SLC67A2: variants seen among roughly 807,000 people sequenced by gnomAD.
SLC67A2 encodes solute carrier family 67 member 2.
At chr2:102,722,605 CA>C in the SLC67A2 span, among the ~76,000 whole-genome samples, 31 of 151,988 alleles carry the variant, frequency 2.0e-4, no homozygotes, top group Admixed American at 2.0e-3. Flanking sequence ...CATCACATTA[CA>C]AAAATCAACT....
chr2:102,731,154 C>A, the SLC67A2 span: 26 of 1,131,840 alleles, frequency 2.3e-5, no homozygotes, highest in African/African-American at 3.8e-4. Flanking sequence ...CAGAAACCAA[C>A]AGAAAAACAT....
the SLC67A2 span, among the ~76,000 whole-genome samples, chr2:102,732,613 T>C: frequency 6.6e-6 from 1 of 152,158 alleles, no homozygotes; most frequent in Non-Finnish European, 1.5e-5. Flanking sequence ...CGTTTTAACT[T>C]TACACTCAAG....
the SLC67A2 span, chr2:102,718,863 T>C: frequency 6.2e-7 from 1 of 1,614,066 alleles, no homozygotes. Flanking sequence ...AGCATGCTGC[T>C]GTAACTGATG....
the SLC67A2 span, chr2:102,736,629 C>G: frequency 5.0e-6 from 8 of 1,613,770 alleles, no homozygotes; most frequent in African/African-American, 1.1e-4. Flanking sequence ...GCTCCCAGCC[C>G]CCACGCTCGC....
chr2:102,721,695 C>CTGTG, the SLC67A2 span, among the ~76,000 whole-genome samples: 2,283 of 150,868 alleles, frequency 0.015, 61 homozygotes, highest in African/African-American at 0.053. Flanking sequence ...GTGTGTGTGT[C>CTGTG]TGTATGTATA....
At chr2:102,718,631 G>A in the SLC67A2 span, 1 of 1,613,810 alleles carries the variant, frequency 6.2e-7, no homozygotes, top group Non-Finnish European at 8.5e-7. Flanking sequence ...GCTGGCCTGG[G>A]CCCCGCCCAC....
chr2:102,728,550 A>T, the SLC67A2 span, among the ~76,000 whole-genome samples: 1 of 152,106 alleles, frequency 6.6e-6, no homozygotes, highest in Non-Finnish European at 1.5e-5. Context: ...AAATACTGTC[A>T]TCCTTCTATA....
chr2:102,724,036 C>A, the SLC67A2 span: 7 of 769,280 alleles, frequency 9.1e-6, no homozygotes, highest in Admixed American at 1.3e-4. Flanking sequence ...GGCAGCTATG[C>A]TCACCACTAT....
the SLC67A2 span, among the ~76,000 whole-genome samples, chr2:102,734,779 G>C: frequency 6.6e-6 from 1 of 152,084 alleles, no homozygotes; most frequent in Non-Finnish European, 1.5e-5. Context: ...TCTGTATCAG[G>C]CTTGCTAGAT....
the SLC67A2 span, chr2:102,723,950 A>G: frequency 3.3e-6 from 5 of 1,512,602 alleles, no homozygotes; most frequent in African/African-American, 5.5e-5. Context: ...CTTTTTCCAG[A>G]CCATAAGTAT....
At chr2:102,728,386 C>T in the SLC67A2 span, among the ~76,000 whole-genome samples, 3 of 152,198 alleles carry the variant, frequency 2.0e-5, no homozygotes, top group Admixed American at 6.5e-5. Context: ...AGGAATCTCA[C>T]AGGCCACTAC....
the SLC67A2 span, among the ~76,000 whole-genome samples, chr2:102,732,919 TG>T: frequency 1.3e-5 from 2 of 152,188 alleles, no homozygotes; most frequent in Non-Finnish European, 2.9e-5. Context: ...GAATGGGCTT[TG>T]GGGTCAGGCA....
the SLC67A2 span, among the ~76,000 whole-genome samples, chr2:102,730,828 C>T: frequency 1.3e-5 from 2 of 152,204 alleles, no homozygotes; most frequent in East Asian, 1.9e-4. Context: ...GGATTACAGG[C>T]GTGAGCCACC....
At chr2:102,721,727 C>A in the SLC67A2 span, among the ~76,000 whole-genome samples, 1 of 151,938 alleles carries the variant, frequency 6.6e-6, no homozygotes, top group Non-Finnish European at 1.5e-5. Flanking sequence ...TTATTTGAGA[C>A]AGGATCTCAC....
the SLC67A2 span, among the ~76,000 whole-genome samples, chr2:102,720,204 T>TCA: frequency 6.6e-6 from 1 of 152,180 alleles, no homozygotes; most frequent in African/African-American, 2.4e-5. Context: ...TTCAGCAACT[T>TCA]CATTTGTGTG....
chr2:102,722,956 A>T, the SLC67A2 span, among the ~76,000 whole-genome samples: 2 of 151,698 alleles, frequency 1.3e-5, no homozygotes, highest in Admixed American at 1.3e-4. Flanking sequence ...AGCAAAAAAA[A>T]CAAAAACAAA....
the SLC67A2 span, among the ~76,000 whole-genome samples, chr2:102,735,900 C>T: frequency 6.6e-6 from 1 of 152,110 alleles, no homozygotes; most frequent in Non-Finnish European, 1.5e-5. Flanking sequence ...GTGCAATGCA[C>T]ACCCTTTGTC....
the SLC67A2 span, among the ~76,000 whole-genome samples, chr2:102,734,025 C>G: frequency 6.6e-6 from 1 of 152,188 alleles, no homozygotes; most frequent in Non-Finnish European, 1.5e-5. Flanking sequence ...AAGGCAACTC[C>G]TTTCTGCTTC....
chr2:102,731,114 C>T, the SLC67A2 span: 1 of 1,526,680 alleles, frequency 6.6e-7, no homozygotes. Flanking sequence ...AGAGCTATCA[C>T]AAAAATGGAT....
Sources: allele counts gnomAD v4.1 joint callset (sites outside exome capture counted in the v4.1 genomes callset), GRCh38; gene constraint gnomAD v4.1.1; transcripts MANE v1.5; gene names NCBI Gene and HGNC (gene_info 2026-07-23, HGNC 2026-07-21).